CDC42BPA: variants seen among roughly 807,000 people sequenced by gnomAD.
CDC42BPA encodes the protein serine/threonine-protein kinase MRCK alpha.
CDC42BPA carries 80 observed loss-of-function variants against 223.5 expected under a neutral mutation model. The ratio of observed to expected loss-of-function variants is 0.36; its 90% CI spans 0.30 to 0.43. The LOEUF (loss-of-function observed/expected upper bound fraction) is 0.43. Among genes scored for constraint, CDC42BPA ranks in the 20% least tolerant of loss-of-function variants. The pLI is 1.00. For missense variants in CDC42BPA, 1,743 were observed against 2,099.9 expected (o/e 0.83, Z 3.32); for synonymous variants, 694 against 718.6 (o/e 0.97, Z 0.55).
chr1:227,211,001 G>T (rs2813957), intron 3 of CDC42BPA, among the ~76,000 whole-genome samples: 123,733 of 152,124 alleles, frequency 0.81, 50,399 homozygotes, highest in South Asian at 0.88. Flanking sequence ...TGGGACAACT[G>T]TACAAATCCT....
intron 6 of CDC42BPA, among the ~76,000 whole-genome samples, chr1:227,156,625 G>A (rs1662869601): frequency 1.3e-5 from 2 of 152,088 alleles, no homozygotes; most frequent in South Asian, 4.2e-4. Flanking sequence ...GAATGACTGG[G>A]AGGACACACC....
chr1:227,011,032 T>G (rs759966078), intron 34 of CDC42BPA: 2 of 1,356,084 alleles, frequency 1.5e-6, no homozygotes, highest in East Asian at 9.2e-5. Flanking sequence ...CAGACCGGAG[T>G]GATGATGAGG....
intron 35 of CDC42BPA, among the ~76,000 whole-genome samples, chr1:226,996,508 T>C (rs938295044): frequency 3.3e-5 from 5 of 151,282 alleles, no homozygotes; most frequent in African/African-American, 9.7e-5. Context: ...CTATGTTGAA[T>C]AGGAGTGGTG....
At chr1:227,163,573 A>T (rs2149836735) in intron 5 of CDC42BPA, among the ~76,000 whole-genome samples, 1 of 152,082 alleles carries the variant, frequency 6.6e-6, no homozygotes, top group African/African-American at 2.4e-5. Flanking sequence ...AATGCCTGTT[A>T]ATATCCCTTG....
At chr1:227,214,821 T>C (rs932547481) in intron 2 of CDC42BPA, among the ~76,000 whole-genome samples, 5 of 152,144 alleles carry the variant, frequency 3.3e-5, no homozygotes, top group African/African-American at 9.7e-5. Flanking sequence ...TAACTACTAA[T>C]AACAGTAGTG....
intron 7 of CDC42BPA, among the ~76,000 whole-genome samples, chr1:227,146,708 TTC>T (rs1660770104): frequency 6.6e-6 from 1 of 152,152 alleles, no homozygotes; most frequent in Non-Finnish European, 1.5e-5. Flanking sequence ...GCTTCTAGTG[TTC>T]TGTGATCATA....
At chr1:227,063,595 T>A (rs1676377628) in intron 21 of CDC42BPA, among the ~76,000 whole-genome samples, 3 of 152,010 alleles carry the variant, frequency 2.0e-5, no homozygotes, top group Non-Finnish European at 4.4e-5. Context: ...GAGGAAAAAA[T>A]GCATGTAACT....
At chr1:227,048,728 C>A (rs1672957012) in intron 22 of CDC42BPA, among the ~76,000 whole-genome samples, 3 of 118,280 alleles carry the variant, frequency 2.5e-5, no homozygotes. Context: ...AAAAAAGAGC[C>A]ACTGCTTAAT....
chr1:227,075,848 T>C (rs1679359364), intron 17 of CDC42BPA, among the ~76,000 whole-genome samples: 1 of 152,210 alleles, frequency 6.6e-6, no homozygotes. Context: ...TCAGAGATCT[T>C]AGTTTATGCA....
intron 21 of CDC42BPA, among the ~76,000 whole-genome samples, chr1:227,066,139 C>G (rs1480571528): frequency 1.3e-5 from 2 of 152,086 alleles, no homozygotes; most frequent in African/African-American, 4.8e-5. Context: ...GCCTGTAATC[C>G]CAGCACTTTG....
chr1:226,994,812 T>C lies in CDC42BPA; in HGVS notation c.5133+11A>G. The stretch of plus-strand genomic sequence containing the variant: ...CTGATACATGACGTCTCCGGAACCC[T>C]GCCCACTCACCTCTCCGTCAAAGTC... On this transcript the variant is annotated intron_variant, in intron 36 of 36. Coordinates refer to ENST00000366766, the MANE Select transcript of CDC42BPA (RefSeq NM_001394014.1). The surrounding 1 kb of genome is among the most constrained non-coding windows in gnomAD (Gnocchi z 4.0). 2 of 1,604,126 alleles carry C rather than the reference T, an allele frequency of 1.2e-6. No homozygotes were observed. The highest frequency in any genetic ancestry group is 8.5e-7 in the Non-Finnish European group (1 of 1,174,394).
At chr1:227,271,804 T>C (rs1282904228) in intron 1 of CDC42BPA, among the ~76,000 whole-genome samples, 1 of 152,192 alleles carries the variant, frequency 6.6e-6, no homozygotes, top group African/African-American at 2.4e-5. Context: ...TCTGGGTAGT[T>C]ACCTACTCAA....
At chr1:227,038,102 G>T (rs1472967105) in intron 24 of CDC42BPA, among the ~76,000 whole-genome samples, 1 of 152,114 alleles carries the variant, frequency 6.6e-6, no homozygotes, top group Non-Finnish European at 1.5e-5. Flanking sequence ...TGTGTCATGG[G>T]AGGGACACAG....
rs573720103 is a variant in CDC42BPA at position 227,177,138 on chromosome 1, T to A, written c.600-16502A>T. Among the ~76,000 whole-genome samples the A allele has an allele frequency of 5.3e-3, 725 of 137,440 alleles. 7 individuals are homozygous for A. Among genetic ancestry groups the A allele is most frequent in the South Asian group, 0.034 (158 of 4,682 alleles). 90.2% of individuals were successfully genotyped at this position (137,440 alleles called of 152,430 possible). On this transcript the variant is annotated intron_variant, in intron 5 of 36. Transcript: ENST00000366766. The stretch of plus-strand genomic sequence containing the variant: ...TTTTAAAGATGTAAGAAAAAAAAAA[T>A]ATATATATATACAGTATTTCATATA...
Position 227,012,809 on chromosome 1 carries a change from T to C in CDC42BPA, c.4857+3271A>G, listed in dbSNP as rs115486726. Among the ~76,000 whole-genome samples the C allele has an allele frequency of 6.1e-3, 929 of 152,228 alleles. 10 individuals are homozygous for C. The highest frequency in any genetic ancestry group is 0.021 in the African/African-American group (874 of 41,556). ...CATTAAAATATCACAAGCTTTTCAA[T>C]AGATACATACACAAGTACAGGCATG... On this transcript the variant is annotated intron_variant, in intron 34 of 36. Coordinates refer to ENST00000366766, the MANE Select transcript of CDC42BPA (RefSeq NM_001394014.1).
chr1:227,043,461 T>G (rs1363195270), intron 23 of CDC42BPA, among the ~76,000 whole-genome samples: 4 of 151,990 alleles, frequency 2.6e-5, no homozygotes, highest in African/African-American at 9.7e-5. Flanking sequence ...TATTTTTTCT[T>G]CCCTTTTAAA....
intron 34 of CDC42BPA, among the ~76,000 whole-genome samples, chr1:227,012,010 A>C (rs937952501): frequency 6.6e-6 from 1 of 152,186 alleles, no homozygotes. Flanking sequence ...TAAATTACCT[A>C]GCCTTAGAAG....
chr1:227,020,449 A>G (rs1667160974), intron 32 of CDC42BPA, among the ~76,000 whole-genome samples: 1 of 152,266 alleles, frequency 6.6e-6, no homozygotes, highest in Non-Finnish European at 1.5e-5. Context: ...TCTTCTGGAT[A>G]AATTGCTGAG....
intron 23 of CDC42BPA, among the ~76,000 whole-genome samples, chr1:227,046,411 G>A (rs1040557829): frequency 6.6e-6 from 1 of 152,110 alleles, no homozygotes; most frequent in African/African-American, 2.4e-5. Flanking sequence ...GCTAAGCAGA[G>A]GAAAGGATTT....
Sources: gnomAD v4.1 joint callset for allele counts (sites outside exome capture counted in the v4.1 genomes callset) on GRCh38, gnomAD v4.1.1 for gene constraint, Gnocchi (gnomAD v3.1) non-coding constraint, MANE v1.5 for transcripts, NCBI Gene and HGNC (gene_info 2026-07-23, HGNC 2026-07-21) for gene names.